The following DYM variants were observed in gnomAD, a reference collection of about 807,000 sequenced individuals.
The protein encoded by DYM is dyggve-Melchior-Clausen syndrome protein.
A neutral mutation model predicts 93.1 loss-of-function variants in DYM; 78 were observed. The ratio of observed to expected loss-of-function variants is 0.84; its 90% CI spans 0.70 to 1.01. The LOEUF (loss-of-function observed/expected upper bound fraction) is 1.01. Among genes scored for constraint, DYM ranks in the 50% least tolerant of loss-of-function variants. The pLI is 0.00. For missense variants in DYM, 789 were observed against 845.0 expected, an observed-to-expected ratio of 0.93 and a Z score of 0.82; for synonymous variants, 321 against 319.7, an observed-to-expected ratio of 1.00 and a Z score of -0.04.
At chr18:49,358,838 G>A (rs2065782771) in intron 6 of DYM, among the ~76,000 whole-genome samples, 1 of 114,040 alleles carries the variant, frequency 8.8e-6, no homozygotes, top group Non-Finnish European at 2.2e-5. Flanking sequence ...GCTGAAAAAT[G>A]ACAGCAACAA....
At chr18:49,259,164 A>G (rs2094451122) in intron 11 of DYM, among the ~76,000 whole-genome samples, 1 of 152,200 alleles carries the variant, frequency 6.6e-6, no homozygotes, top group African/African-American at 2.4e-5. Flanking sequence ...TCTCTTAAGA[A>G]GAGGCACACA....
At chr18:49,425,558 C>G (rs2074194025) in intron 2 of DYM, among the ~76,000 whole-genome samples, 1 of 152,000 alleles carries the variant, frequency 6.6e-6, no homozygotes, top group Non-Finnish European at 1.5e-5. Flanking sequence ...TCTAATTCAA[C>G]TAAAGAGCTT....
In DYM at chr18:49,041,177, G is replaced by A. The variant is rs951699603; in HGVS notation, c.*2878C>T. The stretch of plus-strand genomic sequence containing the variant: ...GTTGTTCATAGATTGTATGACACCA[G>A]CCTCAACGGGTGACTGTGGGAACTA... On this transcript the variant is annotated 3_prime_UTR_variant, in exon 18 of 18. Coordinates refer to ENST00000675505, the MANE Select transcript of DYM (RefSeq NM_001353214.3). Among the ~76,000 whole-genome samples the A allele has an allele frequency of 1.3e-5, 2 of 152,218 alleles. No individual in the cohort carries two copies. Among genetic ancestry groups the A allele is most frequent in the Non-Finnish European group, 2.9e-5 (2 of 68,034 alleles).
chr18:49,166,949 T>C (rs1232435062), intron 14 of DYM, among the ~76,000 whole-genome samples: 1 of 151,404 alleles, frequency 6.6e-6, no homozygotes, highest in Non-Finnish European at 1.5e-5. Context: ...AGGAGGTGCT[T>C]CCTGAGTTTA....
intron 13 of DYM, among the ~76,000 whole-genome samples, chr18:49,244,886 A>G (rs1305818923): frequency 2.0e-5 from 3 of 152,236 alleles, no homozygotes; most frequent in African/African-American, 4.8e-5. Flanking sequence ...CCCTCTAACA[A>G]GGAAGATCTT....
chr18:49,341,429 T>C (rs1410307111), intron 6 of DYM, among the ~76,000 whole-genome samples: 4 of 131,852 alleles, frequency 3.0e-5, no homozygotes, highest in Non-Finnish European at 6.1e-5. Flanking sequence ...GAGGTGGAGG[T>C]TGCAGTAAGC....
chr18:49,199,540 A>C (rs187242329), intron 14 of DYM, among the ~76,000 whole-genome samples: 39 of 152,362 alleles, frequency 2.6e-4, no homozygotes, highest in Admixed American at 2.4e-3. Flanking sequence ...TCAAGTAATG[A>C]ATATGTAATT....
intron 14 of DYM, among the ~76,000 whole-genome samples, chr18:49,193,595 G>A (rs1293843300): frequency 6.6e-6 from 1 of 152,148 alleles, no homozygotes; most frequent in African/African-American, 2.4e-5. Context: ...TAAAATCTCA[G>A]AACAAAATGT....
intron 8 of DYM, among the ~76,000 whole-genome samples, chr18:49,318,363 TA>T: frequency 6.6e-6 from 1 of 152,354 alleles, no homozygotes; most frequent in East Asian, 1.9e-4. Flanking sequence ...CTCACGCCTG[TA>T]ATCCCAGCAC....
At chr18:49,421,059 C>T (rs1231259152) in intron 2 of DYM, among the ~76,000 whole-genome samples, 1 of 152,182 alleles carries the variant, frequency 6.6e-6, no homozygotes, top group Non-Finnish European at 1.5e-5. Context: ...TCTGTAGACT[C>T]CACCAATGGG....
In DYM at chr18:49,457,887, G is replaced by C. The variant is rs190808332; in HGVS notation, c.-54+2511C>G. Among the ~76,000 whole-genome samples the C allele has an allele frequency of 3.5e-3, 534 of 152,296 alleles. 2 individuals are homozygous for C. The highest frequency in any genetic ancestry group is 5.6e-3 in the Non-Finnish European group (378 of 68,012). On this transcript the variant is annotated intron_variant, in intron 1 of 17. Transcript: ENST00000675505. ...AGGATGGAAGTATGATCAGAGAGAT[G>C]CAACACTGGTGGCTTTGAAGACAGA...
chr18:49,368,535 T>C (rs1727276281), intron 5 of DYM: 1 of 152,216 alleles, frequency 6.6e-6, no homozygotes, highest in Admixed American at 6.5e-5. Context: ...GTTAAATTAT[T>C]AAATTTGGTA....
intron 17 of DYM, among the ~76,000 whole-genome samples, chr18:49,070,977 A>G (rs1190717309): frequency 6.6e-6 from 1 of 152,170 alleles, no homozygotes; most frequent in Middle Eastern, 3.2e-3. Context: ...TTCAATAGGG[A>G]CTGTTAGCAA....
chr18:49,188,845 A>G (rs977647445), intron 14 of DYM, among the ~76,000 whole-genome samples: 3 of 152,198 alleles, frequency 2.0e-5, no homozygotes, highest in Non-Finnish European at 4.4e-5. Flanking sequence ...ATAATAATAA[A>G]AAAAAGAATA....
In DYM at chr18:49,218,696, T is replaced by C. The variant is rs574564339; in HGVS notation, c.1461-8981A>G. Among the ~76,000 whole-genome samples, 100 of 152,266 alleles carry C rather than the reference T, an allele frequency of 6.6e-4. 2 individuals carry two copies. Among genetic ancestry groups the C allele is most frequent in the African/African-American group, 2.4e-3 (99 of 41,540 alleles). ...AATGAAGGCAGAAAAAAAGATGTTC[T>C]TTGAAACCAATGAGAACAAAGACAC... On this transcript the variant is annotated intron_variant, in intron 13 of 17. Transcript: ENST00000675505.
intron 17 of DYM, among the ~76,000 whole-genome samples, chr18:49,073,541 T>C (rs2077061017): frequency 6.6e-6 from 1 of 152,018 alleles, no homozygotes; most frequent in African/African-American, 2.4e-5. Context: ...TAGAAAAAAT[T>C]AGAAAACCCA....
At chr18:49,046,947 A>G (rs925403129) in intron 17 of DYM, among the ~76,000 whole-genome samples, 2 of 152,196 alleles carry the variant, frequency 1.3e-5, no homozygotes, top group Admixed American at 6.5e-5. Flanking sequence ...AAGAAAACCA[A>G]CTAAAAACAT....
chr18:49,139,248 C>A (rs1250672950), intron 15 of DYM, among the ~76,000 whole-genome samples: 1 of 152,128 alleles, frequency 6.6e-6, no homozygotes, highest in Admixed American at 6.5e-5. Flanking sequence ...GCCCTCTGAT[C>A]CATCCTTTCC....
rs1491459614 is a variant in DYM at position 49,292,312 on chromosome 18, A to ACAGACAGGCAGG, written c.764-5697_764-5696insCCTGCCTGTCTG. ...TCCACCAACACAGACAGACAGACAGACAGGCAGGCAGGCAGGCAGGCAGGC... is the reference window on the plus strand; with the variant it reads ...TCCACCAACACAGACAGACAGACAGACAGACAGGCAGGCAGGCAGGCAGGCAGGCAGGCAGGC... On this transcript the variant is annotated intron_variant, in intron 8 of 17. Coordinates refer to ENST00000675505, the MANE Select transcript of DYM (RefSeq NM_001353214.3). 3.3e-3 allele frequency among the ~76,000 whole-genome samples: 363 copies of ACAGACAGGCAGG among 110,762 alleles called. 4 individuals carry two copies. The highest frequency in any genetic ancestry group is 0.015 in the East Asian group (54 of 3,724). 72.7% of individuals were successfully genotyped at this position (110,762 alleles called of 152,430 possible).
Sources: gnomAD v4.1 joint callset for allele counts (sites outside exome capture counted in the v4.1 genomes callset) on GRCh38, gnomAD v4.1.1 for gene constraint, MANE v1.5 for transcripts, NCBI Gene and HGNC (gene_info 2026-07-23, HGNC 2026-07-21) for gene names.